Variants in MRPL28 observed in about 807,000 individuals in gnomAD.
MRPL28 encodes the protein mitochondrial ribosomal protein L28.
Under a neutral mutation model 26.2 loss-of-function variants are expected in MRPL28, and 25 were observed. The ratio of observed to expected loss-of-function variants is 0.95; its 90% CI spans 0.69 to 1.33. MRPL28 has a LOEUF of 1.33. MRPL28 is among the 40% of genes most tolerant of loss of function. The pLI, the probability that MRPL28 is intolerant of heterozygous loss-of-function variation, is 0.00. For missense variants in MRPL28, 432 were observed against 327.2 expected (o/e 1.32, Z -2.47); for synonymous variants, 227 against 140.1 (o/e 1.62, Z -4.38).
At chr16:369,755 C>G (rs1241715165) in intron 2 of MRPL28, 176 bp downstream of exon 2, 1 of 875,088 alleles carries the variant, frequency 1.1e-6, no homozygotes, top group Non-Finnish European at 1.8e-6. Flanking sequence ...CTTTATCAGT[C>G]CTGTTTGCCA....
rs1232319893 is a variant in MRPL28, at chr16:370,159, G to T, written c.60C>A (p.Ile20=). 3 of 1,601,558 alleles carry T rather than the reference G, an allele frequency of 1.9e-6. No individual in the cohort carries two copies. Among genetic ancestry groups the T allele is most frequent in the Non-Finnish European group, 2.5e-6 (3 of 1,176,488 alleles). ...LWKRLQLREG[I]CSRLPGHYLR... Reference sequence around the variant, plus strand: ...GGTAGTGGCCGGGCAGGCGGGAACAGATGCCCTCCCGCAGCTGCAGCCGCT... The same window carrying T: ...GGTAGTGGCCGGGCAGGCGGGAACATATGCCCTCCCGCAGCTGCAGCCGCT... The change falls in exon 2 of 6, where the codon ATC becomes ATA. Residue 20 remains isoleucine (I), a synonymous_variant. Transcript: ENST00000199706.
At chr16:368,920 G>A (rs2054288040) in intron 3 of MRPL28, 148 bp downstream of exon 3, 4 of 1,142,216 alleles carry the variant, frequency 3.5e-6, no homozygotes, top group Admixed American at 2.7e-5. Context: ...GTGCTGGCCA[G>A]AAAGGGGCAT....
rs139612920 is a variant in MRPL28 at position 370,171 on chromosome 16, C to A, written c.48G>T (p.Leu16=). ...GCAGGCGGGAACAGATGCCCTCCCGCAGCTGCAGCCGCTTCCAGAGCCACA... is the reference window on the plus strand; with the variant it reads ...GCAGGCGGGAACAGATGCCCTCCCGAAGCTGCAGCCGCTTCCAGAGCCACA... The part of the protein sequence containing the change: ...YPVWLWKRLQ[L]REGICSRLPG... Residue 16 remains leucine, a synonymous_variant, in exon 2 of 6, where the codon CTG becomes CTT. Transcript: ENST00000199706. 30 of 1,599,318 alleles carry A rather than the reference C, an allele frequency of 1.9e-5. No homozygotes were observed. The African/African-American group carries it at 3.6e-4, about 19-fold the overall frequency.
Position 368,630 on chromosome 16 carries a change from CG to C in MRPL28, c.446del (p.Pro149ArgfsTer13). 6.4e-7 allele frequency: 1 copy of C among 1,552,856 alleles called. No homozygotes were observed. On this transcript the variant is annotated frameshift_variant, in exon 4 of 6. Transcript: ENST00000199706. LOFTEE classifies it high-confidence loss of function. ...YGLDFYILKT[P>X]KEDLCSKFGM... ...CAAACTTGGAGCACAGGTCCTCCTT[CG>C]GGGTCTGGCAGAAGGCTCACATGGG... is the stretch of plus-strand genomic sequence containing the variant.
Position 367,795 on chromosome 16 carries a change from G to A in MRPL28, c.664-13C>T, listed in dbSNP as rs763473681. ...GGGGTACAGGGTCCTGAAGGAGAGA[G>A]GGGCTCATGGTGAGGCCAGGGAAGC... On this transcript the variant is annotated splice_polypyrimidine_tract_variant and intron_variant, in intron 5 of 5. Coordinates refer to ENST00000199706, the MANE Select transcript of MRPL28 (RefSeq NM_006428.5). 5 of 1,610,574 alleles carry A rather than the reference G, an allele frequency of 3.1e-6. No homozygotes were observed. Among genetic ancestry groups the A allele is most frequent in the South Asian group, 1.1e-5 (1 of 90,980 alleles).
At chr16:368,140 C>A (rs1460054251) in intron 5 of MRPL28, among the ~76,000 whole-genome samples, 188 bp downstream of exon 5, 1 of 152,168 alleles carries the variant, frequency 6.6e-6, no homozygotes, top group African/African-American at 2.4e-5. Flanking sequence ...TGGGACAGAA[C>A]AGGGTGGGGA....
intron 2 of MRPL28, 115 bp downstream of exon 2, chr16:369,816 C>G (rs1215088477): frequency 1.3e-5 from 17 of 1,333,232 alleles, no homozygotes; most frequent in Non-Finnish European, 1.6e-5. Flanking sequence ...TGTGTCGCCT[C>G]CAGGCTGTAA....
rs779237225 is a variant in MRPL28 at position 369,052 on chromosome 16, G to A, written c.441+16C>T. 216 of 1,611,744 alleles carry A rather than the reference G, an allele frequency of 1.3e-4. No homozygotes were observed. Among genetic ancestry groups the A allele is most frequent in the Non-Finnish European group, 1.7e-4 (202 of 1,179,210 alleles). On this transcript the variant is annotated intron_variant, in intron 3 of 5. Transcript: ENST00000199706. ...TCCCAGACCCTGTGTGCACTGACTC[G>A]CCCCACCCCGCTTGCCTTGAGGATG...
chr16:369,836 C>T, intron 2 of MRPL28, 95 bp downstream of exon 2: 23 of 1,458,292 alleles, frequency 1.6e-5, no homozygotes, highest in Non-Finnish European at 2.1e-5. Context: ...ATCCCCAGGG[C>T]CCACCCAGGT....
intron 2 of MRPL28, 106 bp downstream of exon 2, chr16:369,825 A>T: frequency 7.2e-7 from 1 of 1,397,764 alleles, no homozygotes; most frequent in Non-Finnish European, 9.7e-7. Context: ...TCCAGGCTGT[A>T]ATCCCCAGGG....
chr16:369,853 A>C, intron 2 of MRPL28, 78 bp downstream of exon 2: 1 of 1,527,982 alleles, frequency 6.5e-7, no homozygotes. Context: ...AGGTCTCTCC[A>C]GGTACCCCGG....
rs1194516628 is a variant in MRPL28 at position 367,078 on chromosome 16, G to A, written c.*597C>T. ...AATTAGCCATACATGATAGCGGGGT[G>A]CCTGTAATCCCAGCTACTCAGGAGG... On this transcript the variant is annotated 3_prime_UTR_variant, in exon 6 of 6. Transcript: ENST00000199706. Among the ~76,000 whole-genome samples the A allele has an allele frequency of 2.1e-4, 32 of 152,142 alleles. No homozygotes were observed. The highest frequency in any genetic ancestry group is 1.5e-5 in the Non-Finnish European group (1 of 68,020).
Position 367,673 on chromosome 16 carries a change from G to C in MRPL28, c.*2C>G. On this transcript the variant is annotated 3_prime_UTR_variant, in exon 6 of 6. Coordinates refer to ENST00000199706, the MANE Select transcript of MRPL28 (RefSeq NM_006428.5). ...TTGGTCAGGCATGGAGGAGCTGTGT[G>C]GTCACTGGCCACTGGCTCTCTTCTG... 1 of 1,612,716 alleles carries C rather than the reference G, an allele frequency of 6.2e-7. No homozygotes were observed. The highest frequency in any genetic ancestry group is 8.5e-7 in the Non-Finnish European group (1 of 1,179,128).
At chr16:368,284 C>G in intron 5 of MRPL28, 44 bp downstream of exon 5, 2 of 1,597,002 alleles carry the variant, frequency 1.3e-6, no homozygotes, top group Non-Finnish European at 1.7e-6. Flanking sequence ...ACCCTGAACA[C>G]CAGGCTCTGG....
At chr16:368,799 C>T (rs1597150785) in intron 3 of MRPL28, 164 bp from the exon 4 acceptor site, 2 of 1,189,290 alleles carry the variant, frequency 1.7e-6, no homozygotes, top group East Asian at 2.5e-5. Context: ...GGGATCAGCA[C>T]AGAAGCAAGT....
intron 2 of MRPL28, chr16:369,473 G>C (rs1451638031): frequency 1.6e-6 from 1 of 633,088 alleles, no homozygotes; most frequent in Non-Finnish European, 2.9e-6. Flanking sequence ...CATGGTTGCT[G>C]CATGTGTTTC....
At chr16:368,107 C>T (rs968632766) in intron 5 of MRPL28, among the ~76,000 whole-genome samples, 1 of 152,218 alleles carries the variant, frequency 6.6e-6, no homozygotes, top group African/African-American at 2.4e-5. Context: ...AGTGCAGGAA[C>T]CCACTCCTCC....
At chr16:368,934 C>A (rs980466818) in intron 3 of MRPL28, 134 bp downstream of exon 3, 7 of 1,193,466 alleles carry the variant, frequency 5.9e-6, no homozygotes, top group Non-Finnish European at 7.0e-6. Context: ...GGGGCATGGC[C>A]CCACTCACGC....
intron 3 of MRPL28, 92 bp from the exon 4 acceptor site, chr16:368,727 G>T (rs1381981623): frequency 1.1e-5 from 17 of 1,501,482 alleles, no homozygotes; most frequent in Non-Finnish European, 1.2e-5. Context: ...AGCCGCTGGT[G>T]GTCCCAGGAC....
Sources: allele counts gnomAD v4.1 joint callset (sites outside exome capture counted in the v4.1 genomes callset), GRCh38; gene constraint gnomAD v4.1.1; transcripts MANE v1.5; gene names NCBI Gene and HGNC (gene_info 2026-07-23, HGNC 2026-07-21).